The following KAZN variants were observed in gnomAD, a reference collection of about 807,000 sequenced individuals.
KAZN encodes kazrin, periplakin interacting protein.
A neutral mutation model predicts 87.4 loss-of-function variants in KAZN; 40 were observed. The ratio of observed to expected loss-of-function variants is 0.46; its 90% CI spans 0.36 to 0.60. The LOEUF is 0.60. Among genes scored for constraint, KAZN ranks in the 20% least tolerant of loss-of-function variants. KAZN has a pLI of 0.00. For synonymous variants in KAZN, 466 were observed against 458.3 expected (o/e 1.02, Z -0.22); for missense variants, 898 against 1,073.9 (o/e 0.84, Z 2.29).
At chr1:14,485,395 C>G (rs1179682636) in intron 2 of KAZN, among the ~76,000 whole-genome samples, 1 of 152,144 alleles carries the variant, frequency 6.6e-6, no homozygotes, top group African/African-American at 2.4e-5. Flanking sequence ...GGGCTCAGAC[C>G]TGGACCAGAC....
chr1:14,781,912 T>C (rs1161798619), intron 1 of KAZN, among the ~76,000 whole-genome samples: 1 of 152,224 alleles, frequency 6.6e-6, no homozygotes, highest in Non-Finnish European at 1.5e-5. Context: ...ACGGACTGAA[T>C]TCCACGATCC....
chr1:14,185,891 CA>C (rs1189641738), intron 2 of KAZN, among the ~76,000 whole-genome samples: 1 of 152,112 alleles, frequency 6.6e-6, no homozygotes, highest in Non-Finnish European at 1.5e-5. Flanking sequence ...ATCCATAAAG[CA>C]AAATGTTCAG....
intron 1 of KAZN, among the ~76,000 whole-genome samples, chr1:14,726,618 GAAC>G (rs1643396959): frequency 6.6e-6 from 1 of 152,188 alleles, no homozygotes; most frequent in Non-Finnish European, 1.5e-5. Context: ...CCCCTACATA[GAAC>G]AACAACAAAA....
intron 2 of KAZN, among the ~76,000 whole-genome samples, chr1:14,258,882 G>C (rs928648538): frequency 1.3e-5 from 2 of 152,136 alleles, no homozygotes; most frequent in African/African-American, 4.8e-5. Flanking sequence ...TGTCTCCATG[G>C]TAAATGGTCA....
chr1:14,906,343 T>A (rs1008206842), intron 1 of KAZN, among the ~76,000 whole-genome samples: 1 of 152,120 alleles, frequency 6.6e-6, no homozygotes, highest in Non-Finnish European at 1.5e-5. Flanking sequence ...CTCTCTTGCC[T>A]GAACAGGGTG....
chr1:14,180,629 G>T (rs1157483473), intron 2 of KAZN: 4 of 1,515,008 alleles, frequency 2.6e-6, no homozygotes, highest in Non-Finnish European at 3.5e-6. Context: ...TATGGAGAAG[G>T]TGGAATCTTT....
At chr1:15,029,373 C>G (rs1274144999) in intron 2 of KAZN, among the ~76,000 whole-genome samples, 1 of 152,204 alleles carries the variant, frequency 6.6e-6, no homozygotes, top group Non-Finnish European at 1.5e-5. Context: ...CGCAGGTCCC[C>G]TCTTAGGCAG....
chr1:14,924,400 C>G, intron 1 of KAZN: 1 of 989,058 alleles, frequency 1.0e-6, no homozygotes, highest in African/African-American at 1.8e-5. Flanking sequence ...GGGAGCGCGT[C>G]CGCCAGCTCG....
intron 2 of KAZN, among the ~76,000 whole-genome samples, chr1:14,473,679 T>C (rs1048580788): frequency 2.7e-5 from 4 of 150,852 alleles, no homozygotes; most frequent in Non-Finnish European, 4.4e-5. Flanking sequence ...AAACTCTTCA[T>C]CATCACAGAA....
In KAZN at chr1:14,887,867, CCT is replaced by C. The variant is rs56797280; in HGVS notation, c.227-72807_227-72806del. ...AGGATGGATTAATTTCTCATGCCCC[CCT>C]CTCTCTCTCGTTATGTTTCATTGTG... On this transcript the variant is annotated intron_variant, in intron 1 of 14. Coordinates refer to ENST00000376030, the MANE Select transcript of KAZN (RefSeq NM_201628.3). Among the ~76,000 whole-genome samples, 367 of 151,872 alleles carry C rather than the reference CCT, an allele frequency of 2.4e-3. 2 individuals carry two copies. The highest frequency in any genetic ancestry group is 8.5e-3 in the African/African-American group (351 of 41,404).
intron 2 of KAZN, among the ~76,000 whole-genome samples, chr1:14,533,201 C>T (rs1440660610): frequency 6.6e-6 from 1 of 152,158 alleles, no homozygotes; most frequent in Non-Finnish European, 1.5e-5. Flanking sequence ...TTGCCCAGAG[C>T]ATTTCACACT....
intron 2 of KAZN, among the ~76,000 whole-genome samples, chr1:14,539,440 T>C (rs1672682113): frequency 6.6e-6 from 1 of 152,188 alleles, no homozygotes; most frequent in South Asian, 2.1e-4. Flanking sequence ...AATGTACCAA[T>C]GTGAATTTCT....
chr1:14,405,614 G>A (rs1056345487), intron 2 of KAZN, among the ~76,000 whole-genome samples: 27 of 147,112 alleles, frequency 1.8e-4, no homozygotes, highest in African/African-American at 6.0e-4. Context: ...AAATGTGTGT[G>A]TGTGTGTGTG....
chr1:14,940,056 C>T (rs543430788), intron 1 of KAZN, among the ~76,000 whole-genome samples: 2 of 152,216 alleles, frequency 1.3e-5, no homozygotes, highest in Non-Finnish European at 2.9e-5. Context: ...TTGGTCCCTG[C>T]CTAACCAGTG....
At chr1:14,270,646 G>A (rs1489085028) in intron 2 of KAZN, among the ~76,000 whole-genome samples, 1 of 152,088 alleles carries the variant, frequency 6.6e-6, no homozygotes, top group Non-Finnish European at 1.5e-5. Context: ...ATTAATATGA[G>A]TCCACAATAA....
intron 2 of KAZN, among the ~76,000 whole-genome samples, chr1:14,428,251 C>T (rs1021106650): frequency 2.0e-5 from 3 of 152,146 alleles, no homozygotes; most frequent in Non-Finnish European, 4.4e-5. Context: ...ACTAAATGAG[C>T]TCAGAGAGGC....
chr1:13,961,064 A>G (rs979069239), intron 1 of KAZN, among the ~76,000 whole-genome samples: 2 of 152,192 alleles, frequency 1.3e-5, no homozygotes, highest in African/African-American at 4.8e-5. Flanking sequence ...ACGTTCCTGC[A>G]TTCCTTCTCC....
intron 1 of KAZN, among the ~76,000 whole-genome samples, chr1:14,037,444 C>G (rs187112343): frequency 6.6e-6 from 1 of 152,340 alleles, no homozygotes; most frequent in Admixed American, 6.5e-5. Flanking sequence ...TGACTCTTGT[C>G]TGAAGCTATT....
At chr1:14,363,524 T>C (rs1436459109) in intron 2 of KAZN, among the ~76,000 whole-genome samples, 1 of 152,216 alleles carries the variant, frequency 6.6e-6, no homozygotes, top group Non-Finnish European at 1.5e-5. Context: ...TTTCTGTTCC[T>C]GGATTTCTGA....
Sources: allele counts gnomAD v4.1 joint callset (sites outside exome capture counted in the v4.1 genomes callset), GRCh38; gene constraint gnomAD v4.1.1; transcripts MANE v1.5; gene names NCBI Gene and HGNC (gene_info 2026-07-23, HGNC 2026-07-21).